AGRN: variants seen among roughly 807,000 people sequenced by gnomAD.
AGRN encodes the protein agrin.
A neutral mutation model predicts 211.0 loss-of-function variants in AGRN; 106 were observed. The ratio of observed to expected loss-of-function variants is 0.50; its 90% CI spans 0.43 to 0.59. The LOEUF (loss-of-function observed/expected upper bound fraction) is 0.59, where lower values mean the gene tolerates loss of function less well. Among genes scored for constraint, AGRN ranks in the 20% least tolerant of loss-of-function variants. The probability of loss-of-function intolerance (pLI) is 0.00; values close to 1 mark genes in which losing one functional copy is unlikely to be tolerated. For missense variants in AGRN, 3,040 were observed against 2,982.6 expected (o/e 1.02, Z -0.45); for synonymous variants, 1,525 against 1,332.5 (o/e 1.14, Z -3.15).
intron 1 of AGRN, among the ~76,000 whole-genome samples, chr1:1,020,603 G>A (rs1436751607): frequency 6.6e-6 from 1 of 152,186 alleles, no homozygotes; most frequent in East Asian, 1.9e-4. Context: ...CCCTCCTCGC[G>A]GAGACAAGTG....
Position 1,031,674 on chromosome 1 carries a change from C to T in AGRN, c.464-3603C>T, listed in dbSNP as rs1279286871. Among the ~76,000 whole-genome samples, 1 of 152,192 alleles carries T rather than the reference C, an allele frequency of 6.6e-6. No individual in the cohort carries two copies. The highest frequency in any genetic ancestry group is 2.4e-5 in the African/African-American group (1 of 41,452). On this transcript the variant is annotated intron_variant, in intron 2 of 35. Transcript: ENST00000379370. The surrounding 1 kb of genome is among the most constrained non-coding windows in gnomAD (Gnocchi z 4.8). ...CCCCTTTGCTGGCAGATCCCAGGGT[C>T]TCTCTGTGTGGGGGCAAACTTCCCA...
intron 3 of AGRN, among the ~76,000 whole-genome samples, chr1:1,036,159 T>TG (rs1277242576): frequency 6.6e-6 from 1 of 151,828 alleles, no homozygotes; most frequent in Non-Finnish European, 1.5e-5. Flanking sequence ...GCACATGGGG[T>TG]GGGAAGGACG....
chr1:1,041,215 G>A lies in AGRN; in HGVS notation c.770G>A (p.Ser257Asn). 1.4e-6 allele frequency: 2 copies of A among 1,472,810 alleles called. No homozygotes were observed. Among genetic ancestry groups the A allele is most frequent in the Non-Finnish European group, 1.8e-6 (2 of 1,118,030 alleles). 91.2% of individuals were successfully genotyped at this position (1,472,810 alleles called of 1,614,324 possible). Residue 257 changes from serine to asparagine, a missense_variant, in exon 5 of 36, where the codon AGC becomes AAC. This residue lies in a region of AGRN where 1,498 missense variants were observed against 1,457.8 expected (regional missense o/e 1.03). Transcript: ENST00000379370. ...TCCAACGTGACCTGCAGCTTCGGCA[G>A]CACCTGTGCGCGCTCGGCCGACGGG... Reference protein sequence around the residue: ...PCSNVTCSFGSTCARSADGLT... With the variant: ...PCSNVTCSFGNTCARSADGLT...
chr1:1,031,603 G>T lies in AGRN; in HGVS notation c.464-3674G>T, dbSNP rs183952139. ...GGGCCCTAAGCCTCATTCCAGTGTC[G>T]GCCTGGGGCAGCCAGGCCCCCCACG... On this transcript the variant is annotated intron_variant, in intron 2 of 35. Transcript: ENST00000379370. The surrounding 1 kb of genome is among the most constrained non-coding windows in gnomAD (Gnocchi z 4.8). 6.6e-6 allele frequency among the ~76,000 whole-genome samples: 1 copy of T among 152,112 alleles called. No homozygotes were observed. Among genetic ancestry groups the T allele is most frequent in the African/African-American group, 2.4e-5 (1 of 41,422 alleles).
chr1:1,054,828 C>A lies in AGRN; in HGVS notation c.5985C>A (p.Gly1995=). ...LDTDGALWLG[G]LPELPVGPAL... ...CTCCCACTGTCTGTGCTGCAGGGGGCCTGCCGGAGCTGCCCGTGGGCCCAG... is the reference window on the plus strand; with the variant it reads ...CTCCCACTGTCTGTGCTGCAGGGGGACTGCCGGAGCTGCCCGTGGGCCCAG... Residue 1995 remains glycine (G), a synonymous_variant, in exon 36 of 36, where the codon GGC becomes GGA. Coordinates refer to ENST00000379370, the MANE Select transcript of AGRN (RefSeq NM_198576.4). The A allele has an allele frequency of 1.3e-6, 2 of 1,556,772 alleles. No individual in the cohort carries two copies. Among genetic ancestry groups the A allele is most frequent in the Non-Finnish European group, 1.7e-6 (2 of 1,152,796 alleles).
At position 1,044,350 on chromosome 1, in the gene AGRN, G is replaced by A; in HGVS notation, c.2165G>A (p.Gly722Glu). 6.2e-7 allele frequency: 1 copy of A among 1,612,760 alleles called. No homozygotes were observed. The highest frequency in any genetic ancestry group is 1.1e-5 in the South Asian group (1 of 91,080). The change falls in exon 12 of 36, where the codon GGG becomes GAG. Residue 722 changes from glycine to glutamate, a missense_variant. Physicochemically the swap from Gly to Glu is moderately conservative, Grantham distance 98. Transcript: ENST00000379370. ...VPGSPVCGSD[G>E]VTYSTECELK... is the part of the protein sequence containing the mutation. ...ACCCTCCAGGTGTGCGGCTCAGATG[G>A]GGTCACCTACAGCACCGAGTGTGAG...
At chr1:1,049,105 AGGGGACGGGC>A in intron 24 of AGRN, 46 bp downstream of exon 24, 1 of 332,504 alleles carries the variant, frequency 3.0e-6, no homozygotes. Flanking sequence ...GTGGGCGGGG[AGGGGACGGGC>A]GGGGGAGGGG....
At chr1:1,054,799 G>A (rs554842086) in intron 35 of AGRN, 25 bp from the exon 36 acceptor site, 1 of 1,547,290 alleles carries the variant, frequency 6.5e-7, no homozygotes, top group Non-Finnish European at 8.7e-7. Context: ...TCACAGCCGG[G>A]TGACTCCCAC....
At chr1:1,020,970 G>A (rs1183528620) in intron 1 of AGRN, among the ~76,000 whole-genome samples, 1 of 152,012 alleles carries the variant, frequency 6.6e-6, no homozygotes, top group East Asian at 1.9e-4. Flanking sequence ...CCCGGGGAGG[G>A]GAAGTTTCCC....
Position 1,051,361 on chromosome 1 carries a change from A to C in AGRN, c.5362A>C (p.Ile1788Leu). Residue 1788 changes from isoleucine (I) to leucine (L), a missense_variant, in exon 31 of 36, where the codon ATC becomes CTC. Transcript: ENST00000379370. ...CGTGTCCTCTGGCTTCGACGGTGCC[A>C]TCCAGCTGGTATGTGGGGGCGGGGC... ...AAVSSGFDGA[I>L]QLVSLGGRQL... 1 of 1,564,406 alleles carries C rather than the reference A, an allele frequency of 6.4e-7. No homozygotes were observed.
chr1:1,041,479 C>A lies in AGRN; in HGVS notation c.954C>A (p.Asp318Glu). The A allele has an allele frequency of 6.3e-7, 1 of 1,591,918 alleles. No homozygotes were observed. The highest frequency in any genetic ancestry group is 8.5e-7 in the Non-Finnish European group (1 of 1,176,146). The change falls in exon 6 of 36, where the codon GAC becomes GAA. Residue 318 changes from aspartate to glutamate, a missense_variant and splice_region_variant. Physicochemically the swap from Asp to Glu is conservative, Grantham distance 45. Transcript: ENST00000379370. ...CTGACTCCTGCCCTCGACCCCCAGA[C>A]CCCTGTCAGGGCGCCCTCCCTGACC... Reference protein sequence around the residue: ...NVFKKFDGPCDPCQGALPDPS... With the variant: ...NVFKKFDGPCEPCQGALPDPS...
intron 2 of AGRN, among the ~76,000 whole-genome samples, chr1:1,024,596 C>T (rs553817936): frequency 8.5e-5 from 13 of 152,146 alleles, no homozygotes; most frequent in African/African-American, 2.6e-4. Context: ...CTCCCCAGGT[C>T]GGGGAGGGCC....
In AGRN at chr1:1,050,385, G is replaced by A. The variant is rs762613482; in HGVS notation, c.4977-42G>A. 4 of 1,612,700 alleles carry A rather than the reference G, an allele frequency of 2.5e-6. No homozygotes were observed. The African/African-American group carries it at 5.3e-5, about 22-fold the overall frequency. ...GGCCCCCACCTCCGTCTCTCCTGTG[G>A]GGAGGGGACAGCAAAGACACCCCGA... On this transcript the variant is annotated intron_variant, in intron 28 of 35. Transcript: ENST00000379370.
rs911274904 is a variant in AGRN at position 1,046,187 on chromosome 1, G to C, written c.2833G>C (p.Gly945Arg). 9.9e-6 allele frequency: 16 copies of C among 1,613,686 alleles called. No homozygotes were observed. The South Asian group carries it at 1.8e-4, about 18-fold the overall frequency. The change falls in exon 17 of 36, where the codon GGC becomes CGC. Residue 945 changes from glycine to arginine, a missense_variant. Physicochemically the swap from Gly to Arg is moderately radical, Grantham distance 125. Transcript: ENST00000379370. The stretch of plus-strand genomic sequence containing the variant: ...CTGTGGGTCAGATGGAGTCACATAC[G>C]GCAACGAGTGTCAGCTGAAGACCAT... ...KVCGSDGVTY[G>R]NECQLKTIAC...
intron 7 of AGRN, 107 bp from the exon 8 acceptor site, chr1:1,043,132 C>T: frequency 1.6e-6 from 2 of 1,264,838 alleles, no homozygotes; most frequent in South Asian, 1.3e-5. Flanking sequence ...GTTCTCTCTT[C>T]CTCCACCATC....
intron 33 of AGRN, chr1:1,052,295 CGT>C (rs1180037377): frequency 5.7e-6 from 2 of 350,790 alleles, no homozygotes; most frequent in Non-Finnish European, 1.1e-5. Flanking sequence ...TGCACTTCCG[CGT>C]GTGTGAACAT....
rs1018178720 is a variant in AGRN at position 1,020,849 on chromosome 1, G to GGGT, written c.201+478_201+479insTGG. Among the ~76,000 whole-genome samples the GGGT allele has an allele frequency of 2.0e-5, 3 of 150,740 alleles. 1 individual carries two copies. Among genetic ancestry groups the GGGT allele is most frequent in the African/African-American group, 4.9e-5 (2 of 41,162 alleles). On this transcript the variant is annotated intron_variant, in intron 1 of 35. Coordinates refer to ENST00000379370, the MANE Select transcript of AGRN (RefSeq NM_198576.4). Reference sequence around the variant, plus strand: ...AGGTGGGGGGTGCCGCAGTGGTGCGGGGGGGGGGCGTGCAGGAGCAGAGAG... The same window carrying GGGT: ...AGGTGGGGGGTGCCGCAGTGGTGCGGGGTGGGGGGGGCGTGCAGGAGCAGAGAG...
Position 1,041,656 on chromosome 1 carries a change from G to A in AGRN, c.1131G>A (p.Arg377=). The A allele has an allele frequency of 1.2e-6, 2 of 1,611,156 alleles. No homozygotes were observed. The highest frequency in any genetic ancestry group is 1.1e-5 in the South Asian group (1 of 90,990). The change falls in exon 6 of 36, where the codon CGG becomes CGA. Residue 377 remains arginine, a synonymous_variant. Transcript: ENST00000379370. ...TCATGGGCCGATCGGGGGCCGCCCGGGGTCTCCTCCTGCAGAAAGTGCGCT... is the reference window on the plus strand; with the variant it reads ...TCATGGGCCGATCGGGGGCCGCCCGAGGTCTCCTCCTGCAGAAAGTGCGCT... ...DCVMGRSGAA[R]GLLLQKVRSG...
intron 12 of AGRN, among the ~76,000 whole-genome samples, 173 bp from the exon 13 acceptor site, chr1:1,044,988 G>A (rs368159668): frequency 1.1e-4 from 17 of 152,314 alleles, no homozygotes; most frequent in South Asian, 4.1e-4. Context: ...ATGTTCTTGC[G>A]TAAGATGTGG....
Sources: allele counts gnomAD v4.1 joint callset (sites outside exome capture counted in the v4.1 genomes callset), GRCh38; gene constraint gnomAD v4.1.1; regional missense constraint gnomAD v4.1.1; non-coding constraint Gnocchi (gnomAD v3.1); transcripts MANE v1.5; gene names NCBI Gene and HGNC (gene_info 2026-07-23, HGNC 2026-07-21).